LMTK2: variants seen among roughly 807,000 people sequenced by gnomAD.
The protein encoded by LMTK2 is lemur tail kinase 2.
A neutral mutation model predicts 127.5 loss-of-function variants in LMTK2; 37 were observed. The ratio of observed to expected loss-of-function variants is 0.29; its 90% CI spans 0.22 to 0.38. LMTK2 has a LOEUF of 0.38. LMTK2 is among the 10% of genes least tolerant of loss of function. The probability of loss-of-function intolerance (pLI) is 1.00; values close to 1 mark genes in which losing one functional copy is unlikely to be tolerated. For synonymous variants in LMTK2, 819 were observed against 810.1 expected (o/e 1.01, Z -0.19); for missense variants, 1,694 against 1,920.3 (o/e 0.88, Z 2.20).
At chr7:98,162,134 T>C (rs1173666729) in intron 6 of LMTK2, among the ~76,000 whole-genome samples, 1 of 152,222 alleles carries the variant, frequency 6.6e-6, no homozygotes, top group African/African-American at 2.4e-5. Flanking sequence ...TCTGAATGGG[T>C]TCAGAAGATG....
chr7:98,141,399 A>G lies in LMTK2; in HGVS notation c.234A>G (p.Glu78=), dbSNP rs776095539. 3.7e-6 allele frequency: 6 copies of G among 1,613,194 alleles called. No individual in the cohort carries two copies. The highest frequency in any genetic ancestry group is 2.2e-5 in the East Asian group (1 of 44,882). The change falls in exon 3 of 14, where the codon GAA becomes GAG. Residue 78 remains glutamate (E), a splice_region_variant and synonymous_variant. Coordinates refer to ENST00000297293, the MANE Select transcript of LMTK2 (RefSeq NM_014916.4). ...ATGCTTGCTCTCTTTCATTTTAGGA[A>G]TTTGAAGATAATTTTGATGATGAGA... is the stretch of plus-strand genomic sequence containing the variant. The part of the protein sequence containing the change: ...CCKDPEIDFK[E]FEDNFDDEID...
At chr7:98,119,853 A>G (rs1181396263) in intron 1 of LMTK2, among the ~76,000 whole-genome samples, 1 of 152,232 alleles carries the variant, frequency 6.6e-6, no homozygotes, top group African/African-American at 2.4e-5. Context: ...TTTTGCTAGG[A>G]TAATATGTTG....
chr7:98,195,715 G>C (rs1422125430), intron 11 of LMTK2, among the ~76,000 whole-genome samples: 1 of 152,170 alleles, frequency 6.6e-6, no homozygotes, highest in Admixed American at 6.5e-5. Flanking sequence ...TGGGTCCGTG[G>C]CTATGGCGGG....
chr7:98,161,498 C>T (rs901977427), intron 6 of LMTK2, among the ~76,000 whole-genome samples: 19 of 152,134 alleles, frequency 1.2e-4, no homozygotes, highest in East Asian at 5.8e-4. Context: ...TCAGTGTGCT[C>T]GTTGTCCTCC....
intron 7 of LMTK2, among the ~76,000 whole-genome samples, chr7:98,173,753 T>G (rs1001850912): frequency 6.6e-6 from 1 of 152,152 alleles, no homozygotes; most frequent in African/African-American, 2.4e-5. Flanking sequence ...GTTCTAAAAC[T>G]CAAGTTAAAG....
chr7:98,173,308 T>G (rs1052124909), intron 7 of LMTK2, among the ~76,000 whole-genome samples: 1 of 132,598 alleles, frequency 7.5e-6, no homozygotes, highest in Non-Finnish European at 1.6e-5. Context: ...GGTAAAGTGT[T>G]TTTTTTTTTT....
At chr7:98,200,492 C>G (rs1422787120) in intron 11 of LMTK2, among the ~76,000 whole-genome samples, 1 of 152,136 alleles carries the variant, frequency 6.6e-6, no homozygotes, top group African/African-American at 2.4e-5. Context: ...TGTATAGATA[C>G]GGAGGGCTGA....
Position 98,171,532 on chromosome 7 carries a change from C to T in LMTK2, c.658-9C>T. On this transcript the variant is annotated splice_polypyrimidine_tract_variant and intron_variant, in intron 6 of 13. Transcript: ENST00000297293. This position sits in a 1 kb window ranked among gnomAD's most constrained non-coding sequence, Gnocchi z 5.1. Reference sequence around the variant, plus strand: ...TCGTTTGGAAACTCACACGGGCTGACTTTTGCAGGGTGACCTGAAGGCGTA... The same window carrying T: ...TCGTTTGGAAACTCACACGGGCTGATTTTTGCAGGGTGACCTGAAGGCGTA... The T allele has an allele frequency of 6.2e-7, 1 of 1,614,060 alleles. No individual in the cohort carries two copies. Among genetic ancestry groups the T allele is most frequent in the Non-Finnish European group, 8.5e-7 (1 of 1,180,048 alleles).
chr7:98,141,889 G>T (rs1796705401), intron 3 of LMTK2, among the ~76,000 whole-genome samples: 1 of 152,152 alleles, frequency 6.6e-6, no homozygotes, highest in East Asian at 1.9e-4. Context: ...GCTTCCACTG[G>T]GATGCCCTGC....
rs1448694076 is a variant in LMTK2 at position 98,207,833 on chromosome 7, A to T, written c.*2341A>T. The T allele has an allele frequency of 1.3e-5, 2 of 152,124 alleles. No homozygotes were observed. Among genetic ancestry groups the T allele is most frequent in the Non-Finnish European group, 2.9e-5 (2 of 68,042 alleles). 9.4% of individuals were successfully genotyped at this position (152,124 alleles called of 1,614,324 possible). A position where few individuals can be genotyped will look rare whatever the true frequency, so the allele number is the denominator to read the frequency against. On this transcript the variant is annotated 3_prime_UTR_variant, in exon 14 of 14. Transcript: ENST00000297293. ...CCGGGCGCGGTGGCTCACGCCTGCA[A>T]TCCCAACACATTGGGGGGTCGAGGC... is the stretch of plus-strand genomic sequence containing the variant.
chr7:98,151,416 A>G lies in LMTK2; in HGVS notation c.411A>G (p.Leu137=), dbSNP rs1434158046. The G allele has an allele frequency of 5.0e-6, 8 of 1,613,938 alleles. No individual in the cohort carries two copies. Among genetic ancestry groups the G allele is most frequent in the Non-Finnish European group, 6.8e-6 (8 of 1,179,812 alleles). Residue 137 remains leucine (L), a synonymous_variant, in exon 4 of 14, where the codon CTA becomes CTG. Transcript: ENST00000297293. ...AGTCTCAAGTTGCCCGCCACAGTCT[A>G]AACTACATACAGGAAATTGGAAATG... ...GLKSQVARHS[L]NYIQEIGNGW...
intron 3 of LMTK2, among the ~76,000 whole-genome samples, chr7:98,142,495 A>G (rs2116371165): frequency 6.6e-6 from 1 of 152,354 alleles, no homozygotes; most frequent in Non-Finnish European, 1.5e-5. Context: ...AATGAAGTTT[A>G]AAAGGAGGTC....
chr7:98,198,683 T>G (rs1474761265), intron 11 of LMTK2, among the ~76,000 whole-genome samples: 2 of 152,154 alleles, frequency 1.3e-5, no homozygotes, highest in Non-Finnish European at 2.9e-5. Context: ...TTTCGTCATG[T>G]TGCCCAGGCT....
intron 1 of LMTK2, among the ~76,000 whole-genome samples, chr7:98,136,575 G>A (rs958739067): frequency 1.3e-5 from 2 of 152,136 alleles, no homozygotes; most frequent in Admixed American, 6.5e-5. Context: ...CATTGCTTTC[G>A]AGGAATAGAG....
chr7:98,128,135 C>T (rs556047327), intron 1 of LMTK2, among the ~76,000 whole-genome samples: 4 of 152,236 alleles, frequency 2.6e-5, no homozygotes, highest in African/African-American at 9.6e-5. Flanking sequence ...CAGAGCAAGA[C>T]TCCATCTCTA....
At chr7:98,128,626 A>G (rs567813589) in intron 1 of LMTK2, among the ~76,000 whole-genome samples, 1 of 152,260 alleles carries the variant, frequency 6.6e-6, no homozygotes, top group Admixed American at 6.5e-5. Flanking sequence ...TTGTTCCTAA[A>G]CACACGTTGG....
Position 98,194,621 on chromosome 7 carries a change from C to A in LMTK2, c.4107+49C>A. The A allele has an allele frequency of 1.4e-6, 2 of 1,469,566 alleles. No individual in the cohort carries two copies. The highest frequency in any genetic ancestry group is 1.8e-6 in the Non-Finnish European group (2 of 1,095,850). 91.0% of individuals were successfully genotyped at this position (1,469,566 alleles called of 1,614,324 possible). A position where few individuals can be genotyped will look rare whatever the true frequency, so the allele number is the denominator to read the frequency against. On this transcript the variant is annotated intron_variant, in intron 11 of 13. Coordinates refer to ENST00000297293, the MANE Select transcript of LMTK2 (RefSeq NM_014916.4). The surrounding 1 kb of genome is among the most constrained non-coding windows in gnomAD (Gnocchi z 5.4). The stretch of plus-strand genomic sequence containing the variant: ...TTCTATACACATCCATATAAGGATT[C>A]CAAAATGTGCTAGGAAATTGAGTGT...
chr7:98,204,186 G>A lies in LMTK2; in HGVS notation c.4483G>A (p.Gly1495Arg), dbSNP rs1312632974. 3 of 1,605,084 alleles carry A rather than the reference G, an allele frequency of 1.9e-6. No individual in the cohort carries two copies. Among genetic ancestry groups the A allele is most frequent in the Non-Finnish European group, 1.7e-6 (2 of 1,179,934 alleles). Residue 1495 changes from glycine to arginine, a missense_variant and splice_region_variant, in exon 13 of 14, where the codon GGA (glycine) becomes AGA (arginine). Gly to Arg is a moderately radical substitution (Grantham distance 125, BLOSUM62 -2). Transcript: ENST00000297293. ...HLTDSDIEQG[G>R]SSEDGEKD The stretch of plus-strand genomic sequence containing the variant: ...GACCGACTCGGACATCGAGCAGGGC[G>A]GTGAGAGGCGCTGCGTGCTGGGGAT...
At chr7:98,175,935 G>A (rs1032617871) in intron 7 of LMTK2, among the ~76,000 whole-genome samples, 5 of 152,070 alleles carry the variant, frequency 3.3e-5, no homozygotes, top group East Asian at 1.9e-4. Context: ...AAACTATTCC[G>A]GACCATAAAG....
Sources: gnomAD v4.1 joint callset for allele counts (sites outside exome capture counted in the v4.1 genomes callset) on GRCh38, gnomAD v4.1.1 for gene constraint, Gnocchi (gnomAD v3.1) non-coding constraint, MANE v1.5 for transcripts, NCBI Gene and HGNC (gene_info 2026-07-23, HGNC 2026-07-21) for gene names.